MAST4: variants seen among roughly 807,000 people sequenced by gnomAD.
The protein encoded by MAST4 is microtubule-associated serine/threonine-protein kinase 4.
In MAST4, 89 loss-of-function variants were observed where a neutral mutation model predicts 162.7. The ratio of observed to expected loss-of-function variants is 0.55; its 90% CI spans 0.46 to 0.65. The LOEUF is 0.65. Ranked by LOEUF, MAST4 falls within the 30% of genes least tolerant of loss-of-function variation. The pLI is 0.00. For missense variants in MAST4, 3,153 were observed against 3,374.0 expected, an observed-to-expected ratio of 0.93 and a Z score of 1.62; for synonymous variants, 1,479 against 1,361.1, an observed-to-expected ratio of 1.09 and a Z score of -1.91.
chr5:66,608,902 C>A (rs1378059386), intron 1 of MAST4, among the ~76,000 whole-genome samples: 1 of 152,000 alleles, frequency 6.6e-6, no homozygotes, highest in Non-Finnish European at 1.5e-5. Context: ...TAGGACTGTC[C>A]TTTAGAAAAT....
At chr5:66,817,208 T>C (rs531766351) in intron 3 of MAST4, among the ~76,000 whole-genome samples, 10 of 152,222 alleles carry the variant, frequency 6.6e-5, no homozygotes, top group Non-Finnish European at 8.8e-5. Flanking sequence ...TCATAGTAGA[T>C]ATTTAGTGAT....
chr5:66,975,494 C>A (rs1247745829), intron 4 of MAST4, among the ~76,000 whole-genome samples: 1 of 152,146 alleles, frequency 6.6e-6, no homozygotes, highest in Non-Finnish European at 1.5e-5. Flanking sequence ...CACTGTGGCC[C>A]CCTGCCTCCT....
intron 3 of MAST4, among the ~76,000 whole-genome samples, chr5:66,827,329 A>G (rs994700185): frequency 2.0e-5 from 3 of 152,228 alleles, no homozygotes; most frequent in African/African-American, 7.2e-5. Context: ...CTTAAGTGGT[A>G]TCAAATCAAC....
intron 1 of MAST4, among the ~76,000 whole-genome samples, chr5:66,642,446 A>G (rs1356750781): frequency 6.6e-6 from 1 of 152,216 alleles, no homozygotes; most frequent in African/African-American, 2.4e-5. Flanking sequence ...AAATTGGACA[A>G]TGACTGGATA....
chr5:66,645,252 T>C (rs1033675402), intron 1 of MAST4, among the ~76,000 whole-genome samples: 1 of 152,216 alleles, frequency 6.6e-6, no homozygotes, highest in Non-Finnish European at 1.5e-5. Context: ...TTCTGAGTCA[T>C]TGGACAACTC....
chr5:66,937,772 G>A (rs1489464372), intron 4 of MAST4, among the ~76,000 whole-genome samples: 1 of 152,002 alleles, frequency 6.6e-6, no homozygotes, highest in Non-Finnish European at 1.5e-5. Flanking sequence ...TTACTTAGGA[G>A]AAAGTGTCAT....
chr5:67,129,201 G>C (rs1248810338), intron 14 of MAST4, among the ~76,000 whole-genome samples: 2 of 152,270 alleles, frequency 1.3e-5, no homozygotes, highest in South Asian at 2.1e-4. Context: ...TCTTATGCTG[G>C]GACATGCATT....
intron 4 of MAST4, among the ~76,000 whole-genome samples, chr5:66,910,244 A>G (rs1352449811): frequency 6.6e-6 from 1 of 152,202 alleles, no homozygotes; most frequent in African/African-American, 2.4e-5. Context: ...GCTGAAGGGG[A>G]AACCTGCAGC....
intron 2 of MAST4, 61 bp from the exon 3 acceptor site, chr5:66,788,608 AT>A: frequency 3.1e-5 from 7 of 227,944 alleles, no homozygotes; most frequent in Non-Finnish European, 5.1e-5. Flanking sequence ...CCCCACCCCC[AT>A]TGCAATAAGA....
chr5:66,678,795 AAT>A (rs1491393723), intron 1 of MAST4, among the ~76,000 whole-genome samples: 1 of 79,066 alleles, frequency 1.3e-5, no homozygotes, highest in Non-Finnish European at 2.3e-5. Context: ...CCCGGCCCCC[AAT>A]TTTTTTTTTT....
At chr5:66,837,864 TTATATATATA>T (rs1209782576) in intron 3 of MAST4, among the ~76,000 whole-genome samples, 957 of 82,644 alleles carry the variant, frequency 0.012, 41 homozygotes, top group African/African-American at 0.048. Flanking sequence ...AGACTTGATT[TTATATATATA>T]TATATATATA....
chr5:67,019,144 T>A (rs989925655), intron 4 of MAST4, among the ~76,000 whole-genome samples: 1 of 152,148 alleles, frequency 6.6e-6, no homozygotes, highest in Admixed American at 6.5e-5. Flanking sequence ...TAGAAATTTT[T>A]AAAAAACCTA....
At chr5:66,693,889 A>C (rs553273907) in intron 1 of MAST4, among the ~76,000 whole-genome samples, 1 of 152,150 alleles carries the variant, frequency 6.6e-6, no homozygotes, top group East Asian at 1.9e-4. Context: ...GTGATCACAC[A>C]AAAAAAGCTT....
chr5:66,911,919 A>G (rs9686775), intron 4 of MAST4, among the ~76,000 whole-genome samples: 4,994 of 152,234 alleles, frequency 0.033, 150 homozygotes, highest in African/African-American at 0.076. Context: ...TGTCATAGAG[A>G]TAAGTGGGAT....
chr5:66,885,948 T>C (rs1005549932), intron 3 of MAST4, among the ~76,000 whole-genome samples: 1 of 152,218 alleles, frequency 6.6e-6, no homozygotes, highest in Non-Finnish European at 1.5e-5. Context: ...CTTTTCTAGA[T>C]GCTTTACATG....
intron 1 of MAST4, among the ~76,000 whole-genome samples, chr5:66,621,276 G>C (rs962977921): frequency 2.0e-5 from 3 of 152,190 alleles, no homozygotes; most frequent in African/African-American, 7.2e-5. Context: ...CTACTGTAAG[G>C]CAACTTAAAT....
chr5:66,762,019 G>A (rs1753873531), intron 2 of MAST4, among the ~76,000 whole-genome samples: 2 of 152,108 alleles, frequency 1.3e-5, no homozygotes, highest in African/African-American at 2.4e-5. Flanking sequence ...TTTTGCTAAA[G>A]CAGTTTACAT....
chr5:67,143,421 CAATT>C (rs967664811), intron 21 of MAST4, among the ~76,000 whole-genome samples: 15 of 151,720 alleles, frequency 9.9e-5, no homozygotes, highest in African/African-American at 9.7e-5. Context: ...TTAAAAAAAA[CAATT>C]AATCAAAACA....
intron 5 of MAST4, among the ~76,000 whole-genome samples, chr5:67,072,529 A>G (rs978521526): frequency 7.2e-5 from 11 of 152,350 alleles, no homozygotes; most frequent in African/African-American, 2.6e-4. Flanking sequence ...CATTCTTTGC[A>G]GTCAGATAAC....
Sources: gnomAD v4.1 joint callset for allele counts (sites outside exome capture counted in the v4.1 genomes callset) on GRCh38, gnomAD v4.1.1 for gene constraint, MANE v1.5 for transcripts, NCBI Gene and HGNC (gene_info 2026-07-23, HGNC 2026-07-21) for gene names.